Variants in PDE4DIP observed in about 807,000 individuals in gnomAD.
The protein encoded by PDE4DIP is phosphodiesterase 4D interacting protein.
PDE4DIP carries 59 observed loss-of-function variants against 221.4 expected under a neutral mutation model. That is an observed-to-expected ratio of 0.27 (90% CI 0.22 to 0.33). PDE4DIP has a LOEUF of 0.33. PDE4DIP is among the 10% of genes least tolerant of loss of function. PDE4DIP has a pLI of 1.00. For synonymous variants in PDE4DIP, 404 were observed against 815.9 expected (o/e 0.50, Z 8.60); for missense variants, 1,036 against 2,154.2 (o/e 0.48, Z 10.28).
At chr1:148,929,446 A>G (rs2047357022) in intron 2 of PDE4DIP, 173 bp downstream of exon 5, 1 of 933,776 alleles carries the variant, frequency 1.1e-6, no homozygotes, top group Admixed American at 2.9e-5. Flanking sequence ...CTCTTTCTCT[A>G]TTACTAGGTC....
intron 9 of PDE4DIP, among the ~76,000 whole-genome samples, chr1:148,964,212 C>A (rs1430696899): frequency 2.6e-5 from 4 of 151,324 alleles, no homozygotes; most frequent in Admixed American, 2.6e-4. Flanking sequence ...CGGGTTCAAG[C>A]GATTCTCCTG....
At chr1:148,919,796 AT>A (rs1553460996) in intron 1 of PDE4DIP, among the ~76,000 whole-genome samples, 4 of 150,422 alleles carry the variant, frequency 2.7e-5, no homozygotes. Context: ...CTGCTAAATT[AT>A]TTTTTAAAAA....
chr1:148,944,880 C>G (rs1265992831), intron 5 of PDE4DIP, among the ~76,000 whole-genome samples: 2 of 151,666 alleles, frequency 1.3e-5, no homozygotes, highest in African/African-American at 2.4e-5. Flanking sequence ...CGGAAAAAAA[C>G]AAAACAAAAC....
intron 5 of PDE4DIP, among the ~76,000 whole-genome samples, chr1:148,938,620 T>C (rs1263762684): frequency 6.6e-6 from 1 of 152,282 alleles, no homozygotes; most frequent in Non-Finnish European, 1.5e-5. Context: ...ACACAAACTA[T>C]GGGTTCAAAT....
At chr1:148,980,069 T>C (rs1434635570) in intron 20 of PDE4DIP, among the ~76,000 whole-genome samples, 6 of 152,248 alleles carry the variant, frequency 3.9e-5, no homozygotes, top group Admixed American at 1.3e-4. Context: ...AGTGCCTGTT[T>C]CACACAGCTA....
intron 1 of PDE4DIP, among the ~76,000 whole-genome samples, chr1:148,901,349 C>T (rs1253052998): frequency 9.1e-6 from 1 of 109,508 alleles, no homozygotes; most frequent in African/African-American, 3.6e-5. Flanking sequence ...AATCCACCCA[C>T]ACACCGACAG....
At chr1:148,930,304 G>C (rs1289144540) in intron 2 of PDE4DIP, 2 of 151,992 alleles carry the variant, frequency 1.3e-5, no homozygotes, top group Non-Finnish European at 2.9e-5. Context: ...ACGAGGTCAG[G>C]AGATCGAAAC....
intron 1 of PDE4DIP, among the ~76,000 whole-genome samples, chr1:148,924,330 G>T: frequency 6.6e-6 from 1 of 152,186 alleles, no homozygotes; most frequent in Non-Finnish European, 1.5e-5. Context: ...GATAATAATG[G>T]AAGATAAAGC....
chr1:148,929,833 T>G (rs2047459289), intron 2 of PDE4DIP: 1 of 152,874 alleles, frequency 6.5e-6, no homozygotes, highest in Middle Eastern at 3.4e-3. Context: ...CATCATTAGT[T>G]GTAATGGCAA....
rs141639076 is a variant in PDE4DIP, at chr1:148,979,770, C to T, written c.2608C>T (p.Arg870Trp). 336 of 1,613,332 alleles carry T rather than the reference C, an allele frequency of 2.1e-4. No homozygotes were observed. The African/African-American group carries it at 2.7e-3, about 13-fold the overall frequency. ...GATGCTAGAAGGACTAGTAGATGAA[C>T]GGAGTCGGCTCAATGAGGCCTTACA... is the stretch of plus-strand genomic sequence containing the variant. The change falls in exon 20 of 44, where the codon CGG (arginine) becomes TGG (tryptophan). Residue 870 changes from arginine (R) to tryptophan (W), a missense_variant. Transcript: ENST00000369354.
chr1:148,948,322 C>G (rs2052299279), intron 5 of PDE4DIP, among the ~76,000 whole-genome samples: 1 of 152,144 alleles, frequency 6.6e-6, no homozygotes, highest in Non-Finnish European at 1.5e-5. Flanking sequence ...TAACAACATG[C>G]CTTCCTCCAA....
At chr1:148,962,789 T>TA (rs1559026910) in intron 9 of PDE4DIP, 149 bp downstream of exon 12, 1 of 254,640 alleles carries the variant, frequency 3.9e-6, no homozygotes, top group African/African-American at 2.4e-5. Flanking sequence ...ATATGCTAGT[T>TA]ACAGTAGTCC....
intron 37 of PDE4DIP, 187 bp downstream of exon 40, chr1:149,021,340 A>C (rs2152721836): frequency 1.7e-6 from 1 of 597,352 alleles, no homozygotes; most frequent in Admixed American, 2.7e-5. Flanking sequence ...GGTTGGTGGC[A>C]CGAGCAAGAT....
At chr1:149,005,948 C>A (rs1553597136) in intron 27 of PDE4DIP, among the ~76,000 whole-genome samples, 1 of 152,070 alleles carries the variant, frequency 6.6e-6, no homozygotes, top group Non-Finnish European at 1.5e-5. Flanking sequence ...GCCTACCCAA[C>A]ACGGTGAAAC....
Position 148,910,790 on chromosome 1 carries a change from G to A in PDE4DIP, c.142-18407G>A, listed in dbSNP as rs1480410971. On this transcript the variant is annotated intron_variant, in intron 1 of 43. Coordinates refer to ENST00000369354, the Ensembl canonical transcript of PDE4DIP. ...GTGAAAAACAAAAAATAAGGTGTTG[G>A]CAAGGTTGTAGAGAAAAGTGCTTAT... Among the ~76,000 whole-genome samples the A allele has an allele frequency of 2.0e-5, 2 of 99,442 alleles. 1 individual carries two copies. Among genetic ancestry groups the A allele is most frequent in the Non-Finnish European group, 3.8e-5 (2 of 51,982 alleles). The allele number at this position is 99,442 out of a possible 152,430, so 65.2% of individuals were successfully genotyped here.
At chr1:149,005,015 C>T (rs1333593959) in exon 27 of PDE4DIP, 1 of 1,508,288 alleles carries the variant, frequency 6.6e-7, no homozygotes, top group African/African-American at 1.4e-5. Context: ...AGAGGAAGCC[C>T]TTGGAGAACC....
intron 31 of PDE4DIP, among the ~76,000 whole-genome samples, chr1:149,010,937 T>A (rs1575334744): frequency 7.2e-6 from 1 of 138,872 alleles, no homozygotes; most frequent in Non-Finnish European, 1.5e-5. Context: ...GAAAAGAAAT[T>A]CACATCTGTT....
At chr1:148,895,556 G>A (rs11589877) in intron 1 of PDE4DIP, among the ~76,000 whole-genome samples, 11,716 of 95,036 alleles carry the variant, frequency 0.12, 3 homozygotes, top group Non-Finnish European at 0.16. Flanking sequence ...TCAATTAGCT[G>A]AACTCAGCAT....
chr1:148,968,901 C>T, exon 14 of PDE4DIP: 3 of 1,612,762 alleles, frequency 1.9e-6, no homozygotes, highest in Non-Finnish European at 1.7e-6. Context: ...AGGAGCTGTG[C>T]CAGCGTCTAC....
Sources: allele counts gnomAD v4.1 joint callset (sites outside exome capture counted in the v4.1 genomes callset), GRCh38; gene constraint gnomAD v4.1.1; transcripts MANE v1.5; gene names NCBI Gene and HGNC (gene_info 2026-07-23, HGNC 2026-07-21).